ANAPC10: variants seen among roughly 807,000 people sequenced by gnomAD.
ANAPC10 encodes anaphase-promoting complex subunit 10.
In ANAPC10, 12 loss-of-function variants were observed where a neutral mutation model predicts 22.0. That is an observed-to-expected ratio of 0.55 (90% CI 0.35 to 0.88). The LOEUF (loss-of-function observed/expected upper bound fraction) is 0.88. ANAPC10 is among the 40% of genes least tolerant of loss of function. ANAPC10 has a pLI of 0.01. For synonymous variants in ANAPC10, 65 were observed against 69.5 expected (o/e 0.94, Z 0.32); for missense variants, 188 against 220.9 (o/e 0.85, Z 0.94).
chr4:145,020,123 A>G (rs529895218), intron 4 of ANAPC10, among the ~76,000 whole-genome samples: 48 of 152,272 alleles, frequency 3.2e-4, no homozygotes, highest in Non-Finnish European at 6.2e-4. Flanking sequence ...CCAGGAAAGG[A>G]CATAACCAGA....
At chr4:145,025,018 T>C (rs1222787105) in intron 4 of ANAPC10, among the ~76,000 whole-genome samples, 1 of 152,206 alleles carries the variant, frequency 6.6e-6, no homozygotes, top group Non-Finnish European at 1.5e-5. Context: ...TCTTTTATGT[T>C]ATGAAGATGG....
chr4:145,078,152 CT>C (rs1299949534), intron 3 of ANAPC10, among the ~76,000 whole-genome samples: 6 of 152,130 alleles, frequency 3.9e-5, no homozygotes, highest in South Asian at 2.1e-4. Flanking sequence ...ACTCCTAGAT[CT>C]GATGAACAAC....
intron 4 of ANAPC10, chr4:145,035,248 T>C (rs1472865755): frequency 1.3e-5 from 2 of 152,186 alleles, no homozygotes; most frequent in Admixed American, 1.3e-4. Context: ...TCTGTGTGCA[T>C]CTCTCCCAAA....
At chr4:145,063,464 A>G (rs1264115661) in intron 4 of ANAPC10, among the ~76,000 whole-genome samples, 5 of 4,240 alleles carry the variant, frequency 1.2e-3, no homozygotes, top group Admixed American at 6.9e-3. Flanking sequence ...TTACTAACTC[A>G]GATTAAACAT....
At chr4:145,083,225 G>A (rs1746348742) in intron 2 of ANAPC10, among the ~76,000 whole-genome samples, 1 of 152,002 alleles carries the variant, frequency 6.6e-6, no homozygotes, top group Non-Finnish European at 1.5e-5. Flanking sequence ...TTTTATATAT[G>A]TTAAATAATC....
chr4:145,002,794 T>C (rs565364357), intron 4 of ANAPC10, among the ~76,000 whole-genome samples: 3 of 152,332 alleles, frequency 2.0e-5, no homozygotes, highest in East Asian at 1.9e-4. Context: ...CATATGTACA[T>C]AGTAAAAATT....
At chr4:145,019,561 C>T (rs1388093015) in intron 4 of ANAPC10, among the ~76,000 whole-genome samples, 5 of 151,938 alleles carry the variant, frequency 3.3e-5, no homozygotes, top group Non-Finnish European at 7.4e-5. Flanking sequence ...ACAAACCAAA[C>T]CCAAACCCAG....
chr4:145,000,003 G>T (rs900191093), intron 4 of ANAPC10, among the ~76,000 whole-genome samples: 2 of 152,048 alleles, frequency 1.3e-5, no homozygotes, highest in African/African-American at 4.8e-5. Context: ...TAGCCATATG[G>T]AGAAAGCTGA....
At chr4:145,026,006 C>G (rs1192154650) in intron 4 of ANAPC10, among the ~76,000 whole-genome samples, 2 of 152,088 alleles carry the variant, frequency 1.3e-5, no homozygotes, top group African/African-American at 4.8e-5. Flanking sequence ...ATGGCAGCAC[C>G]TGAATATAAA....
At chr4:145,081,567 T>C (rs551038880) in intron 3 of ANAPC10, 93 bp downstream of exon 3, 5 of 803,204 alleles carry the variant, frequency 6.2e-6, no homozygotes, top group East Asian at 5.7e-5. Context: ...GTGTATTTCA[T>C]TGTAATTTCT....
intron 4 of ANAPC10, among the ~76,000 whole-genome samples, chr4:145,004,956 T>A (rs1733124454): frequency 6.6e-6 from 1 of 152,160 alleles, no homozygotes; most frequent in Non-Finnish European, 1.5e-5. Context: ...TGGCTATGGA[T>A]ATGTGTGGTT....
intron 4 of ANAPC10, among the ~76,000 whole-genome samples, chr4:145,030,794 G>A (rs940483889): frequency 2.0e-5 from 3 of 152,156 alleles, no homozygotes; most frequent in African/African-American, 7.2e-5. Context: ...ATCAAAAACA[G>A]TATCACATCC....
intron 4 of ANAPC10, among the ~76,000 whole-genome samples, chr4:145,033,785 A>G (rs1738003347): frequency 6.6e-6 from 1 of 152,232 alleles, no homozygotes. Context: ...AGTCATCAAT[A>G]CCAGCTACAA....
intron 4 of ANAPC10, among the ~76,000 whole-genome samples, chr4:145,030,040 AGGC>A (rs1212355622): frequency 6.6e-6 from 1 of 152,190 alleles, no homozygotes; most frequent in Non-Finnish European, 1.5e-5. Context: ...AAGGCAAGGT[AGGC>A]ATAGCTACTG....
intron 4 of ANAPC10, among the ~76,000 whole-genome samples, chr4:145,012,005 A>G (rs1290904183): frequency 6.6e-6 from 1 of 151,992 alleles, no homozygotes; most frequent in Non-Finnish European, 1.5e-5. Flanking sequence ...AGCAGCTTCC[A>G]CTGCAAAGCA....
intron 4 of ANAPC10, among the ~76,000 whole-genome samples, chr4:144,997,096 C>T (rs1052251732): frequency 2.0e-5 from 3 of 152,094 alleles, no homozygotes; most frequent in Non-Finnish European, 2.9e-5. Context: ...TGTGAAAAGA[C>T]CAAATCTACA....
chr4:145,064,796 T>C, intron 3 of ANAPC10, 104 bp from the exon 4 acceptor site: 2 of 974,590 alleles, frequency 2.1e-6, no homozygotes, highest in Non-Finnish European at 2.9e-6. Context: ...AAAAGGAGTA[T>C]TTGAATCAAC....
intron 4 of ANAPC10, among the ~76,000 whole-genome samples, chr4:145,052,259 T>C (rs1395524959): frequency 6.6e-6 from 1 of 152,182 alleles, no homozygotes. Context: ...GATTTAAGCG[T>C]TCACACCACA....
chr4:145,020,838 C>CA (rs1257128175), intron 4 of ANAPC10, among the ~76,000 whole-genome samples: 1,448 of 140,040 alleles, frequency 0.01, 20 homozygotes, highest in African/African-American at 0.031. Flanking sequence ...ACAATAGCTG[C>CA]AAAAAAAAAA....
Sources: allele counts gnomAD v4.1 joint callset (sites outside exome capture counted in the v4.1 genomes callset), GRCh38; gene constraint gnomAD v4.1.1; transcripts MANE v1.5; gene names NCBI Gene and HGNC (gene_info 2026-07-23, HGNC 2026-07-21).